Variants in MYOCD observed in about 807,000 individuals in gnomAD.
MYOCD encodes the protein myocardin.
A neutral mutation model predicts 96.1 loss-of-function variants in MYOCD; 32 were observed. The ratio of observed to expected loss-of-function variants is 0.33; its 90% CI spans 0.25 to 0.45. MYOCD has a LOEUF of 0.45. MYOCD is among the 20% of genes least tolerant of loss of function. The pLI is 1.00. For missense variants in MYOCD, 1,133 were observed against 1,200.6 expected, an observed-to-expected ratio of 0.94 and a Z score of 0.83; for synonymous variants, 469 against 469.0, an observed-to-expected ratio of 1.00 and a Z score of 0.00.
At chr17:12,700,243 CAAACTCTTCT>C (rs1475243786) in intron 1 of MYOCD, among the ~76,000 whole-genome samples, 6 of 151,824 alleles carry the variant, frequency 4.0e-5, no homozygotes, top group Non-Finnish European at 8.8e-5. Context: ...TTCATGTCCC[CAAACTCTTCT>C]AATTCTTTTT....
In MYOCD at chr17:12,739,192, T is replaced by C. The variant is rs2032433249; in HGVS notation, c.592-11T>C. ...TGTATCTTCCTAATATCGGTAACATTTGGATTTCAGGATCTTGCTTCTGGC... is the reference window on the plus strand; with the variant it reads ...TGTATCTTCCTAATATCGGTAACATCTGGATTTCAGGATCTTGCTTCTGGC... On this transcript the variant is annotated splice_polypyrimidine_tract_variant and intron_variant, in intron 6 of 13. Transcript: ENST00000425538. 6.2e-7 allele frequency: 1 copy of C among 1,602,822 alleles called. No homozygotes were observed. The highest frequency in any genetic ancestry group is 1.1e-5 in the South Asian group (1 of 88,740).
chr17:12,677,741 T>A (rs1910171082), intron 1 of MYOCD, among the ~76,000 whole-genome samples: 2 of 151,916 alleles, frequency 1.3e-5, no homozygotes, highest in Non-Finnish European at 2.9e-5. Context: ...TTAATTCTCA[T>A]ATCAATGTTT....
chr17:12,740,317 C>T (rs1196875464), intron 7 of MYOCD, among the ~76,000 whole-genome samples: 2 of 152,202 alleles, frequency 1.3e-5, no homozygotes, highest in Non-Finnish European at 2.9e-5. Context: ...TTTTATCCCT[C>T]ACCCCACTCC....
intron 5 of MYOCD, among the ~76,000 whole-genome samples, chr17:12,730,259 A>G (rs1182542359): frequency 6.6e-6 from 1 of 151,880 alleles, no homozygotes; most frequent in Non-Finnish European, 1.5e-5. Flanking sequence ...GACCAACCTG[A>G]CCAACGTGGA....
rs746785937 is a variant in MYOCD at position 12,666,176 on chromosome 17, G to A, written c.-13G>A. ...CGCCTGGCCAAGGGACCAGCGGCTT[G>A]CTGAGACTCAACATGACACTCCTGG... On this transcript the variant is annotated 5_prime_UTR_variant, in exon 1 of 14. Transcript: ENST00000425538. 6.2e-7 allele frequency: 1 copy of A among 1,612,076 alleles called. No homozygotes were observed. The highest frequency in any genetic ancestry group is 8.5e-7 in the Non-Finnish European group (1 of 1,178,656).
intron 1 of MYOCD, among the ~76,000 whole-genome samples, chr17:12,669,290 A>G (rs1183182385): frequency 6.6e-6 from 1 of 152,064 alleles, no homozygotes; most frequent in African/African-American, 2.4e-5. Context: ...TCAAAAGTGG[A>G]GAGAGAGATC....
At chr17:12,687,902 G>A (rs566518926) in intron 1 of MYOCD, among the ~76,000 whole-genome samples, 4 of 152,316 alleles carry the variant, frequency 2.6e-5, no homozygotes, top group African/African-American at 9.6e-5. Flanking sequence ...CCATGGCAAC[G>A]TAGGAGAAGA....
At chr17:12,728,561 CCT>C (rs1442173370) in intron 5 of MYOCD, among the ~76,000 whole-genome samples, 1 of 152,164 alleles carries the variant, frequency 6.6e-6, no homozygotes, top group Non-Finnish European at 1.5e-5. Flanking sequence ...CTCACCGCAA[CCT>C]CTGTCTCCCG....
Position 12,666,008 on chromosome 17 carries a change from G to C in MYOCD, c.-181G>C. ...AGAGTTAATTAGCCCCGCACGGCGAGGGGGGAGGCGCCAGTTTTCTGGGGA... is the reference window on the plus strand; with the variant it reads ...AGAGTTAATTAGCCCCGCACGGCGACGGGGGAGGCGCCAGTTTTCTGGGGA... On this transcript the variant is annotated 5_prime_UTR_variant, in exon 1 of 14. Coordinates refer to ENST00000425538, the MANE Select transcript of MYOCD (RefSeq NM_001146312.3). The C allele has an allele frequency of 1.8e-6, 1 of 550,286 alleles. No individual in the cohort carries two copies. Among genetic ancestry groups the C allele is most frequent in the Non-Finnish European group, 3.2e-6 (1 of 308,788 alleles). 34.1% of individuals were successfully genotyped at this position (550,286 alleles called of 1,614,324 possible). A position where few individuals can be genotyped will look rare whatever the true frequency, so the allele number is the denominator to read the frequency against.
At chr17:12,741,016 G>A (rs1310355656) in intron 7 of MYOCD, among the ~76,000 whole-genome samples, 1 of 137,696 alleles carries the variant, frequency 7.3e-6, no homozygotes, top group Admixed American at 7.7e-5. Flanking sequence ...GGGATTACAG[G>A]CGTAAGCCAC....
intron 9 of MYOCD, among the ~76,000 whole-genome samples, chr17:12,748,160 C>CAAA (rs58002174): frequency 5.5e-5 from 5 of 90,592 alleles, no homozygotes; most frequent in Admixed American, 1.3e-4. Flanking sequence ...GACTCCGTCT[C>CAAA]AAAAAAAAAA....
intron 7 of MYOCD, among the ~76,000 whole-genome samples, chr17:12,740,868 A>G (rs1370588180): frequency 6.6e-6 from 1 of 151,948 alleles, no homozygotes; most frequent in African/African-American, 2.4e-5. Context: ...CCTCCCCAGT[A>G]GCTGGGAGTA....
At chr17:12,738,879 T>C (rs1326834206) in intron 6 of MYOCD, among the ~76,000 whole-genome samples, 1 of 151,846 alleles carries the variant, frequency 6.6e-6, no homozygotes, top group Non-Finnish European at 1.5e-5. Flanking sequence ...GTTTTATACC[T>C]GTCTTTTGGA....
chr17:12,753,010 G>C lies in MYOCD; in HGVS notation c.1722G>C (p.Glu574Asp). 1 of 1,614,168 alleles carries C rather than the reference G, an allele frequency of 6.2e-7. No individual in the cohort carries two copies. The highest frequency in any genetic ancestry group is 8.5e-7 in the Non-Finnish European group (1 of 1,180,018). Residue 574 changes from glutamate to aspartate, a missense_variant, in exon 10 of 14, where the codon GAG becomes GAC. Coordinates refer to ENST00000425538, the MANE Select transcript of MYOCD (RefSeq NM_001146312.3). Reference protein sequence around the residue: ...PFLAASIKQEEAVSSCPFASQ... With the variant: ...PFLAASIKQEDAVSSCPFASQ... ...TGGCTGCCTCCATCAAGCAGGAAGA[G>C]GCTGTCTCCAGCTGTCCTTTTGCAT...
Position 12,705,129 on chromosome 17 carries a change from T to C in MYOCD, c.57T>C (p.Val19=). ...CAAACTAACACTCCCTTTTCTAAGT[T>C]TTACAGTTAAGACTTCAACAAAGAA... ...SLLIRSKFRS[V]LQLRLQQRRT... is the part of the protein sequence containing the mutation. Residue 19 remains valine, a splice_region_variant and synonymous_variant, in exon 2 of 14, where the codon GTT becomes GTC. Coordinates refer to ENST00000425538, the MANE Select transcript of MYOCD (RefSeq NM_001146312.3). The C allele has an allele frequency of 6.2e-7, 1 of 1,611,758 alleles. No individual in the cohort carries two copies. Among genetic ancestry groups the C allele is most frequent in the Non-Finnish European group, 8.5e-7 (1 of 1,178,176 alleles).
At chr17:12,695,795 C>G (rs1378128105) in intron 1 of MYOCD, among the ~76,000 whole-genome samples, 1 of 152,142 alleles carries the variant, frequency 6.6e-6, no homozygotes, top group Non-Finnish European at 1.5e-5. Context: ...ATAATCATCA[C>G]TAAGATTTTG....
chr17:12,711,085 T>C (rs909707182), intron 2 of MYOCD, among the ~76,000 whole-genome samples: 2 of 152,198 alleles, frequency 1.3e-5, no homozygotes, highest in Non-Finnish European at 2.9e-5. Flanking sequence ...GTTGAGACTA[T>C]TATTGGGGTA....
chr17:12,725,331 T>A (rs2031964399), intron 5 of MYOCD, among the ~76,000 whole-genome samples: 1 of 150,360 alleles, frequency 6.7e-6, no homozygotes, highest in African/African-American at 2.4e-5. Flanking sequence ...CTATGTAGTA[T>A]ATTAATAAAA....
chr17:12,723,254 C>T (rs1478945022), intron 5 of MYOCD, among the ~76,000 whole-genome samples: 1 of 152,288 alleles, frequency 6.6e-6, no homozygotes, highest in East Asian at 1.9e-4. Context: ...AAGTTGAGAA[C>T]CTGACCAGGT....
Sources: gnomAD v4.1 joint callset for allele counts (sites outside exome capture counted in the v4.1 genomes callset) on GRCh38, gnomAD v4.1.1 for gene constraint, MANE v1.5 for transcripts, NCBI Gene and HGNC (gene_info 2026-07-23, HGNC 2026-07-21) for gene names.